The following RSPO3 variants were observed in gnomAD, a reference collection of about 807,000 sequenced individuals.
RSPO3 encodes R-spondin 3, also known as R-spondin-3.
In RSPO3, 17 loss-of-function variants were observed where a neutral mutation model predicts 36.5. That is an observed-to-expected ratio of 0.47 (90% CI 0.32 to 0.70). RSPO3 has a LOEUF of 0.70. Ranked by LOEUF, RSPO3 falls within the 30% of genes least tolerant of loss-of-function variation. The probability of loss-of-function intolerance (pLI) is 0.04; values close to 1 mark genes in which losing one functional copy is unlikely to be tolerated. For missense variants in RSPO3, 294 were observed against 322.5 expected (o/e 0.91, Z 0.68); for synonymous variants, 108 against 107.0 (o/e 1.01, Z -0.06).
rs1039467573 is a variant in RSPO3, at chr6:127,159,752, G to A, written c.634+4314G>A. 6.7e-5 allele frequency among the ~76,000 whole-genome samples: 10 copies of A among 149,262 alleles called. No individual in the cohort carries two copies. In the South Asian group the frequency reaches 1.1e-3, roughly 16 times the overall value. Reference sequence around the variant, plus strand: ...CAACCTCTGCCTCCTGAGTTCAAGCGATTCTCCTGTCTCAGTCTCCTGAGT... The same window carrying A: ...CAACCTCTGCCTCCTGAGTTCAAGCAATTCTCCTGTCTCAGTCTCCTGAGT... On this transcript the variant is annotated intron_variant, in intron 4 of 4. Transcript: ENST00000356698.
At chr6:127,182,342 A>G (rs1178547732) in intron 4 of RSPO3, among the ~76,000 whole-genome samples, 1 of 151,964 alleles carries the variant, frequency 6.6e-6, no homozygotes, top group East Asian at 1.9e-4. Context: ...TAAGGTATAT[A>G]TGAAGTTTAC....
intron 4 of RSPO3, among the ~76,000 whole-genome samples, chr6:127,161,427 T>A (rs1473012326): frequency 6.6e-6 from 1 of 152,186 alleles, no homozygotes; most frequent in African/African-American, 2.4e-5. Flanking sequence ...TATTATATCA[T>A]TTTTTAGAAC....
intron 4 of RSPO3, among the ~76,000 whole-genome samples, chr6:127,171,695 G>T (rs2326566): frequency 0.47 from 70,796 of 151,196 alleles, 16,730 homozygotes; most frequent in East Asian, 0.53. Flanking sequence ...GTTTTTTTCA[G>T]GATTTCTGTC....
intron 4 of RSPO3, among the ~76,000 whole-genome samples, chr6:127,165,732 C>G (rs1305090701): frequency 6.6e-6 from 1 of 151,968 alleles, no homozygotes; most frequent in Non-Finnish European, 1.5e-5. Flanking sequence ...TCTTCAAAAA[C>G]TAATATTTAA....
intron 1 of RSPO3, among the ~76,000 whole-genome samples, chr6:127,128,810 C>G (rs779055370): frequency 6.6e-6 from 1 of 152,060 alleles, no homozygotes; most frequent in Non-Finnish European, 1.5e-5. Context: ...ATAGGACACA[C>G]TAGTGAATGT....
intron 1 of RSPO3, among the ~76,000 whole-genome samples, chr6:127,141,838 T>C (rs79826144): frequency 0.066 from 10,104 of 152,228 alleles, 694 homozygotes; most frequent in African/African-American, 0.18. Context: ...TGTGCATGCA[T>C]GGGCATGCAT....
intron 1 of RSPO3, among the ~76,000 whole-genome samples, chr6:127,145,348 A>G (rs1210570019): frequency 6.6e-6 from 1 of 151,972 alleles, no homozygotes; most frequent in Non-Finnish European, 1.5e-5. Flanking sequence ...TGACTACTAC[A>G]TTATTCTTCT....
intron 4 of RSPO3, among the ~76,000 whole-genome samples, chr6:127,164,338 A>C (rs1442757369): frequency 1.3e-5 from 2 of 151,988 alleles, no homozygotes; most frequent in African/African-American, 4.8e-5. Context: ...TCCCCACCAA[A>C]CAAGAAACAA....
intron 1 of RSPO3, among the ~76,000 whole-genome samples, chr6:127,143,677 G>C (rs1026537618): frequency 6.6e-6 from 1 of 152,128 alleles, no homozygotes; most frequent in African/African-American, 2.4e-5. Flanking sequence ...ATCATCAGCA[G>C]TAATTGGCAG....
intron 1 of RSPO3, among the ~76,000 whole-genome samples, chr6:127,126,949 C>T (rs1773950030): frequency 6.6e-6 from 1 of 152,034 alleles, no homozygotes; most frequent in Non-Finnish European, 1.5e-5. Flanking sequence ...TTGCACTTGG[C>T]ATGGGCATGG....
intron 4 of RSPO3, among the ~76,000 whole-genome samples, chr6:127,167,439 A>G (rs1358516809): frequency 6.6e-6 from 1 of 151,944 alleles, no homozygotes; most frequent in Non-Finnish European, 1.5e-5. Context: ...ATATCCCTGT[A>G]AAGGACATGA....
chr6:127,120,732 A>G (rs911470619), intron 1 of RSPO3, among the ~76,000 whole-genome samples: 3 of 152,266 alleles, frequency 2.0e-5, no homozygotes, highest in Non-Finnish European at 4.4e-5. Flanking sequence ...AAAAGGTGGC[A>G]GTGCCAGAGC....
chr6:127,145,927 T>C (rs1329779961), intron 1 of RSPO3, among the ~76,000 whole-genome samples: 1 of 152,212 alleles, frequency 6.6e-6, no homozygotes, highest in Non-Finnish European at 1.5e-5. Flanking sequence ...GGTTTCCATA[T>C]AAAAAGTAAA....
At chr6:127,139,686 G>T (rs1774231001) in intron 1 of RSPO3, among the ~76,000 whole-genome samples, 2 of 151,996 alleles carry the variant, frequency 1.3e-5, no homozygotes, top group South Asian at 4.1e-4. Context: ...AACACTGTTG[G>T]ATCTGTCTTA....
At chr6:127,120,399 T>TC (rs1026599562) in intron 1 of RSPO3, among the ~76,000 whole-genome samples, 50 of 152,222 alleles carry the variant, frequency 3.3e-4, no homozygotes, top group African/African-American at 1.2e-3. Context: ...AGGAAACTTC[T>TC]CCTGGAGCTC....
At chr6:127,183,860 G>A (rs754301210) in intron 4 of RSPO3, among the ~76,000 whole-genome samples, 8 of 151,928 alleles carry the variant, frequency 5.3e-5, no homozygotes, top group Non-Finnish European at 8.8e-5. Flanking sequence ...AGACATAACC[G>A]AGACTGGGTA....
chr6:127,164,406 G>GT lies in RSPO3; in HGVS notation c.634+8972dup, dbSNP rs752559384. Among the ~76,000 whole-genome samples, 4 of 151,934 alleles carry GT rather than the reference G, an allele frequency of 2.6e-5. No individual in the cohort carries two copies. In the East Asian group the frequency reaches 7.8e-4, roughly 30 times the overall value. ...ACAAGATAATCCCTTTTCAATACTG[G>GT]TTTTGAAAATAATTTTAAGTGAGGA... is the stretch of plus-strand genomic sequence containing the variant. On this transcript the variant is annotated intron_variant, in intron 4 of 4. Coordinates refer to ENST00000356698, the MANE Select transcript of RSPO3 (RefSeq NM_032784.5).
At chr6:127,144,836 G>A (rs961391993) in intron 1 of RSPO3, among the ~76,000 whole-genome samples, 1 of 151,704 alleles carries the variant, frequency 6.6e-6, no homozygotes, top group Non-Finnish European at 1.5e-5. Context: ...TAGCCAGGCT[G>A]GTCTCAAACT....
chr6:127,199,439 A>G lies in RSPO3; in HGVS notation c.*3432A>G, dbSNP rs2114293647. 6.6e-6 allele frequency among the ~76,000 whole-genome samples: 1 copy of G among 152,026 alleles called. No homozygotes were observed. Among genetic ancestry groups the G allele is most frequent in the East Asian group, 1.9e-4 (1 of 5,188 alleles). ...AGGAATAAGTATATATGTGAGAATC[A>G]TGGAAATGAAATTAATAATATTAAC... On this transcript the variant is annotated 3_prime_UTR_variant, in exon 5 of 5. Coordinates refer to ENST00000356698, the MANE Select transcript of RSPO3 (RefSeq NM_032784.5).
Sources: gnomAD v4.1 joint callset for allele counts (sites outside exome capture counted in the v4.1 genomes callset) on GRCh38, gnomAD v4.1.1 for gene constraint, MANE v1.5 for transcripts, NCBI Gene and HGNC (gene_info 2026-07-23, HGNC 2026-07-21) for gene names.